DCUN1D4: variants seen among roughly 807,000 people sequenced by gnomAD.
The protein encoded by DCUN1D4 is defective in cullin neddylation 1 domain containing 4, also known as DCN1-like protein 4.
A neutral mutation model predicts 47.9 loss-of-function variants in DCUN1D4; 22 were observed. The ratio of observed to expected loss-of-function variants is 0.46; its 90% confidence interval spans 0.33 to 0.66. The LOEUF (loss-of-function observed/expected upper bound fraction) is 0.66. Among genes scored for constraint, DCUN1D4 ranks in the 30% least tolerant of loss-of-function variants. DCUN1D4 has a pLI of 0.02. For missense variants in DCUN1D4, 301 were observed against 340.8 expected (o/e 0.88, Z 0.92); for synonymous variants, 121 against 112.2 (o/e 1.08, Z -0.50).
In DCUN1D4 at chr4:51,896,759, T is replaced by C. The variant is rs76668213; in HGVS notation, c.507-2511T>C. Among the ~76,000 whole-genome samples the C allele has an allele frequency of 9.2e-3, 1,401 of 152,236 alleles. 14 individuals are homozygous for C. Among genetic ancestry groups the C allele is most frequent in the African/African-American group, 0.032 (1,345 of 41,544 alleles). On this transcript the variant is annotated intron_variant, in intron 7 of 10. Coordinates refer to ENST00000334635, the MANE Select transcript of DCUN1D4 (RefSeq NM_001040402.3). Reference sequence around the variant, plus strand: ...ATCTCTAACTGGCTCTCAATATCTCTTTTCCTTCCCACCAGTCCTTCTCCA... The same window carrying C: ...ATCTCTAACTGGCTCTCAATATCTCCTTTCCTTCCCACCAGTCCTTCTCCA...
intron 8 of DCUN1D4, among the ~76,000 whole-genome samples, chr4:51,909,894 C>T (rs944005205): frequency 3.3e-5 from 5 of 152,144 alleles, no homozygotes; most frequent in Non-Finnish European, 5.9e-5. Context: ...TTAAGTGAGG[C>T]CCTTACATTT....
the DCUN1D4 span, among the ~76,000 whole-genome samples, chr4:51,835,134 G>A: frequency 3.3e-5 from 5 of 152,160 alleles, no homozygotes; most frequent in African/African-American, 7.2e-5. Context: ...TGCAGGTAGC[G>A]GGTGGGCAAG....
chr4:51,870,950 A>G (rs1460142963), intron 3 of DCUN1D4, among the ~76,000 whole-genome samples: 1 of 152,042 alleles, frequency 6.6e-6, no homozygotes, highest in Non-Finnish European at 1.5e-5. Context: ...TCCTAAGTCA[A>G]TTCCCTTCCC....
At chr4:51,848,406 C>T (rs1342655836) in intron 1 of DCUN1D4, 4 of 1,075,004 alleles carry the variant, frequency 3.7e-6, no homozygotes, top group Non-Finnish European at 3.4e-6. Flanking sequence ...GTCCTTTTCC[C>T]TTCTTTTTGT....
At chr4:51,873,052 A>G (rs1727154616) in intron 3 of DCUN1D4, among the ~76,000 whole-genome samples, 1 of 152,212 alleles carries the variant, frequency 6.6e-6, no homozygotes, top group Non-Finnish European at 1.5e-5. Context: ...GAGAGACCCT[A>G]AGTAGGTTAG....
upstream of DCUN1D4, chr4:51,843,079 C>A (rs1483540792): frequency 2.1e-6 from 3 of 1,404,268 alleles, no homozygotes; most frequent in Non-Finnish European, 1.8e-6. Flanking sequence ...CGCAGCAGGG[C>A]GGCCCCTGAG....
chr4:51,843,328 G>A (rs1207754017), intron 1 of DCUN1D4, 61 bp downstream of exon 1: 9 of 1,484,188 alleles, frequency 6.1e-6, no homozygotes, highest in Non-Finnish European at 6.3e-6. Flanking sequence ...TCGCCACTCG[G>A]CTCCCGCAGT....
chr4:51,901,935 T>G (rs1732184265), intron 8 of DCUN1D4, among the ~76,000 whole-genome samples: 1 of 152,252 alleles, frequency 6.6e-6, no homozygotes, highest in African/African-American at 2.4e-5. Flanking sequence ...TAATGAATCC[T>G]GTTCTTTTTT....
At chr4:51,891,547 A>G (rs553116104) in intron 6 of DCUN1D4, among the ~76,000 whole-genome samples, 10 of 152,338 alleles carry the variant, frequency 6.6e-5, no homozygotes, top group East Asian at 3.9e-4. Context: ...TGCTTCTCCA[A>G]ACTCTTGTCA....
At chr4:51,835,571 T>C in the DCUN1D4 span, among the ~76,000 whole-genome samples, 3 of 151,710 alleles carry the variant, frequency 2.0e-5, no homozygotes, top group African/African-American at 7.3e-5. Flanking sequence ...GATGGAAGAG[T>C]AAAGAATAAG....
chr4:51,861,007 T>C (rs891042000), intron 1 of DCUN1D4, among the ~76,000 whole-genome samples: 2 of 152,206 alleles, frequency 1.3e-5, no homozygotes, highest in Non-Finnish European at 1.5e-5. Context: ...TAAGTAAATA[T>C]AGTCGGAATT....
chr4:51,878,196 CCTTA>C (rs537386165), intron 5 of DCUN1D4, among the ~76,000 whole-genome samples: 144 of 152,142 alleles, frequency 9.5e-4, no homozygotes, highest in Middle Eastern at 3.4e-3. Context: ...TGCTTTGAAC[CCTTA>C]CTTAGTGCAG....
chr4:51,866,069 A>G (rs1436183538), intron 3 of DCUN1D4, among the ~76,000 whole-genome samples: 1 of 152,176 alleles, frequency 6.6e-6, no homozygotes, highest in Non-Finnish European at 1.5e-5. Flanking sequence ...TCCTTCTTCC[A>G]GGGAAAGGAG....
rs201472874 is a variant in DCUN1D4, at chr4:51,913,620, C to T, written c.*36C>T. 3 of 1,592,796 alleles carry T rather than the reference C, an allele frequency of 1.9e-6. No homozygotes were observed. In the East Asian group the frequency reaches 6.7e-5, roughly 36 times the overall value. On this transcript the variant is annotated 3_prime_UTR_variant, in exon 11 of 11. Transcript: ENST00000334635. ...ATAGCAGCGAGAGAGTCACTGTTAC[C>T]ACAGTTTTGTCACCCATTAGCCATA...
intron 8 of DCUN1D4, among the ~76,000 whole-genome samples, chr4:51,907,992 TA>T (rs1462191675): frequency 6.6e-6 from 1 of 152,220 alleles, no homozygotes; most frequent in African/African-American, 2.4e-5. Flanking sequence ...ACTAGAACTC[TA>T]AATCAGATTG....
chr4:51,866,590 CA>C (rs1429538511), intron 3 of DCUN1D4, among the ~76,000 whole-genome samples: 1 of 152,088 alleles, frequency 6.6e-6, no homozygotes, highest in East Asian at 1.9e-4. Context: ...GATTTATGTA[CA>C]CTTATGCTTA....
chr4:51,874,520 G>A (rs1727389281), intron 4 of DCUN1D4, 135 bp downstream of exon 4: 2 of 492,336 alleles, frequency 4.1e-6, no homozygotes, highest in South Asian at 9.5e-5. Flanking sequence ...TTTTCAAAAT[G>A]TAATTATTTA....
chr4:51,841,535 G>A (rs932295689), upstream of DCUN1D4, among the ~76,000 whole-genome samples: 3 of 152,084 alleles, frequency 2.0e-5, no homozygotes, highest in South Asian at 2.1e-4. Context: ...CTTGTCTTGC[G>A]AAAGAACCTG....
chr4:51,890,063 C>T (rs778502746), intron 6 of DCUN1D4, among the ~76,000 whole-genome samples: 6 of 140,774 alleles, frequency 4.3e-5, no homozygotes, highest in Non-Finnish European at 9.0e-5. Context: ...ATAAAGTCAG[C>T]ATCAAGCGAA....
Sources: gnomAD v4.1 joint callset for allele counts (sites outside exome capture counted in the v4.1 genomes callset) on GRCh38, gnomAD v4.1.1 for gene constraint, MANE v1.5 for transcripts, NCBI Gene and HGNC (gene_info 2026-07-23, HGNC 2026-07-21) for gene names.